Variants in SPATA18 observed in about 807,000 individuals in gnomAD.
The protein encoded by SPATA18 is spermatogenesis associated 18, also known as mitochondria-eating protein.
In SPATA18, 54 loss-of-function variants were observed where a neutral mutation model predicts 68.1. The ratio of observed to expected loss-of-function variants is 0.79; its 90% CI spans 0.64 to 0.99. The LOEUF is 0.99. Ranked by LOEUF, SPATA18 falls within the 50% of genes least tolerant of loss-of-function variation. The probability of loss-of-function intolerance (pLI) is 0.00; values close to 1 mark genes in which losing one functional copy is unlikely to be tolerated. For missense variants in SPATA18, 724 were observed against 681.1 expected, an observed-to-expected ratio of 1.06 and a Z score of -0.70; for synonymous variants, 242 against 244.8, an observed-to-expected ratio of 0.99 and a Z score of 0.11.
At chr4:52,076,513 A>G (rs1254995011) in intron 6 of SPATA18, among the ~76,000 whole-genome samples, 3 of 152,170 alleles carry the variant, frequency 2.0e-5, no homozygotes, top group African/African-American at 7.2e-5. Context: ...CTTCTTTTTG[A>G]GCGTTTATGG....
intron 11 of SPATA18, among the ~76,000 whole-genome samples, chr4:52,090,348 A>ATTAG (rs1340385731): frequency 3.9e-5 from 6 of 152,142 alleles, no homozygotes; most frequent in African/African-American, 1.2e-4. Flanking sequence ...TGTTTTGCCC[A>ATTAG]TTAGTTAATG....
chr4:52,071,217 C>A (rs896475019), intron 5 of SPATA18, among the ~76,000 whole-genome samples: 1 of 152,090 alleles, frequency 6.6e-6, no homozygotes, highest in African/African-American at 2.4e-5. Flanking sequence ...TTAATCTTAC[C>A]TTTTCATTTT....
intron 1 of SPATA18, among the ~76,000 whole-genome samples, chr4:52,051,994 G>A (rs998919391): frequency 3.9e-5 from 6 of 152,220 alleles, no homozygotes; most frequent in Non-Finnish European, 5.9e-5. Context: ...AGAGCTTCGG[G>A]AGGCGGCGCG....
At chr4:52,077,929 A>C (rs1483126880) in intron 7 of SPATA18, among the ~76,000 whole-genome samples, 1 of 152,196 alleles carries the variant, frequency 6.6e-6, no homozygotes, top group Non-Finnish European at 1.5e-5. Flanking sequence ...AAAACAAAAC[A>C]TTGGTATGAG....
At chr4:52,074,936 G>C (rs1262224941) in intron 6 of SPATA18, among the ~76,000 whole-genome samples, 1 of 152,188 alleles carries the variant, frequency 6.6e-6, no homozygotes, top group Non-Finnish European at 1.5e-5. Flanking sequence ...AAAGACAGGA[G>C]CCTGGAAGGA....
intron 1 of SPATA18, among the ~76,000 whole-genome samples, chr4:52,056,660 C>G (rs1323840983): frequency 6.6e-6 from 1 of 152,096 alleles, no homozygotes; most frequent in Non-Finnish European, 1.5e-5. Flanking sequence ...GGGACCTTTA[C>G]TGGCACAGGT....
chr4:52,091,219 C>A (rs182100358), intron 11 of SPATA18, among the ~76,000 whole-genome samples: 26 of 152,140 alleles, frequency 1.7e-4, no homozygotes, highest in Non-Finnish European at 3.2e-4. Flanking sequence ...AGCTTCCTTG[C>A]AGTGGGTTAG....
intron 11 of SPATA18, among the ~76,000 whole-genome samples, chr4:52,085,556 T>C (rs1176749288): frequency 6.6e-6 from 1 of 152,120 alleles, no homozygotes; most frequent in Non-Finnish European, 1.5e-5. Flanking sequence ...ACTATGAAGA[T>C]AACATCCCTA....
In SPATA18 at chr4:52,077,051, C is replaced by T; in HGVS notation, c.1020+11C>T. On this transcript the variant is annotated intron_variant, in intron 7 of 12. Transcript: ENST00000295213. ...TACATCGCCACAGTGGTATGTGACG[C>T]CTGCGGGACTCCCGGCTCCTTAGGG... The T allele has an allele frequency of 6.3e-7, 1 of 1,586,056 alleles. No individual in the cohort carries two copies. The highest frequency in any genetic ancestry group is 1.1e-5 in the South Asian group (1 of 87,772).
At chr4:52,064,974 A>G (rs114157987) in intron 4 of SPATA18, among the ~76,000 whole-genome samples, 5,218 of 152,208 alleles carry the variant, frequency 0.034, 311 homozygotes, top group African/African-American at 0.12. Flanking sequence ...TTCTTGCAGG[A>G]GTAAGATGGT....
chr4:52,058,529 C>T (rs1255602129), intron 1 of SPATA18, among the ~76,000 whole-genome samples: 1 of 152,192 alleles, frequency 6.6e-6, no homozygotes, highest in African/African-American at 2.4e-5. Context: ...GCCACATTGA[C>T]ATATTCAAGG....
In SPATA18 at chr4:52,076,970, C is replaced by G. The variant is rs1020020671; in HGVS notation, c.950C>G (p.Ala317Gly). The G allele has an allele frequency of 1.2e-6, 2 of 1,613,880 alleles. No individual in the cohort carries two copies. Among genetic ancestry groups the G allele is most frequent in the South Asian group, 2.2e-5 (2 of 91,018 alleles). ...SDSYSQARLDAQCLLRRCIDK... is the reference protein window; with the variant it reads ...SDSYSQARLDGQCLLRRCIDK... ...TCCTATTCCCAGGCCCGCCTGGACG[C>G]GCAGTGCCTGCTGCGGCGCTGCATC... The change falls in exon 7 of 13, where the codon GCG (alanine) becomes GGG (glycine). Residue 317 changes from alanine (A) to glycine (G), a missense_variant. Transcript: ENST00000295213.
chr4:52,066,259 T>C (rs1739303618), intron 4 of SPATA18, among the ~76,000 whole-genome samples: 1 of 152,188 alleles, frequency 6.6e-6, no homozygotes, highest in Non-Finnish European at 1.5e-5. Context: ...CATGCCATTC[T>C]CCTGCCTCAG....
At chr4:52,088,294 A>G (rs1385920430) in intron 11 of SPATA18, among the ~76,000 whole-genome samples, 1 of 152,178 alleles carries the variant, frequency 6.6e-6, no homozygotes, top group East Asian at 1.9e-4. Context: ...CCTGGCCAGA[A>G]CTTCCAATAC....
At chr4:52,058,196 A>T (rs915659166) in intron 1 of SPATA18, among the ~76,000 whole-genome samples, 2 of 152,218 alleles carry the variant, frequency 1.3e-5, no homozygotes, top group African/African-American at 4.8e-5. Flanking sequence ...TAAATTATTC[A>T]TTCATCAACG....
At chr4:52,087,492 C>T (rs549196535) in intron 11 of SPATA18, among the ~76,000 whole-genome samples, 3 of 152,098 alleles carry the variant, frequency 2.0e-5, no homozygotes, top group Admixed American at 2.0e-4. Flanking sequence ...TTATGGCTAG[C>T]CAGTTTTCAC....
chr4:52,080,073 G>T (rs973716296), intron 9 of SPATA18, among the ~76,000 whole-genome samples, 154 bp downstream of exon 9: 4 of 152,158 alleles, frequency 2.6e-5, no homozygotes, highest in Non-Finnish European at 5.9e-5. Flanking sequence ...CTGTACTCCA[G>T]GGCAGGACCC....
chr4:52,072,276 C>A, intron 6 of SPATA18, 120 bp downstream of exon 6: 1 of 1,445,638 alleles, frequency 6.9e-7, no homozygotes, highest in Non-Finnish European at 9.3e-7. Context: ...CAGCAATCTG[C>A]CAAGCTTTGA....
intron 2 of SPATA18, 124 bp from the exon 3 acceptor site, chr4:52,060,658 T>C: frequency 8.7e-7 from 1 of 1,143,042 alleles, no homozygotes. Context: ...GTGTATTCTC[T>C]CTTTTTTTTT....
Sources: gnomAD v4.1 joint callset for allele counts (sites outside exome capture counted in the v4.1 genomes callset) on GRCh38, gnomAD v4.1.1 for gene constraint, MANE v1.5 for transcripts, NCBI Gene and HGNC (gene_info 2026-07-23, HGNC 2026-07-21) for gene names.